The following FRMD6 variants were observed in gnomAD, a reference collection of about 807,000 sequenced individuals.
FRMD6 encodes the protein FERM domain-containing protein 6.
FRMD6 carries 37 observed loss-of-function variants against 73.2 expected under a neutral mutation model. The ratio of observed to expected loss-of-function variants is 0.51; its 90% CI spans 0.39 to 0.66. FRMD6 has a LOEUF of 0.66. FRMD6 is among the 30% of genes least tolerant of loss of function. The probability of loss-of-function intolerance (pLI) is 0.00; values close to 1 mark genes in which losing one functional copy is unlikely to be tolerated. For synonymous variants in FRMD6, 273 were observed against 282.2 expected (o/e 0.97, Z 0.33); for missense variants, 714 against 780.5 (o/e 0.91, Z 1.02).
At chr14:51,658,310 G>C (rs1295527152) in intron 1 of FRMD6, among the ~76,000 whole-genome samples, 1 of 150,982 alleles carries the variant, frequency 6.6e-6, no homozygotes, top group Non-Finnish European at 1.5e-5. Flanking sequence ...CTCTGTTGGG[G>C]CTTGCCTTTT....
chr14:51,619,059 G>A, intron 2 of FRMD6, among the ~76,000 whole-genome samples: 1 of 151,938 alleles, frequency 6.6e-6, no homozygotes, highest in East Asian at 1.9e-4. Flanking sequence ...CCTTAACTGT[G>A]ATTTTGGCAC....
At chr14:51,509,392 T>G (rs1884159159) in intron 1 of FRMD6, among the ~76,000 whole-genome samples, 1 of 151,990 alleles carries the variant, frequency 6.6e-6, no homozygotes, top group Admixed American at 6.5e-5. Context: ...CCAGGCGTAG[T>G]GGCAGATGCC....
At chr14:51,485,628 C>T (rs1029207337), upstream of FRMD6, among the ~76,000 whole-genome samples, 12 of 136,106 alleles carry the variant, frequency 8.8e-5, no homozygotes, top group Non-Finnish European at 1.9e-4. Context: ...TTTCTAATTT[C>T]TGCATTTGAA....
rs141107101 is a variant in FRMD6 at position 51,560,836 on chromosome 14, T to G, written c.-209-9512T>G. On this transcript the variant is annotated intron_variant, in intron 1 of 14. Coordinates refer to the FRMD6 transcript ENST00000356218. The stretch of plus-strand genomic sequence containing the variant: ...TCCTCTCAAAGGTGCCCTTCCTACA[T>G]CCTACCATGACCTGTTCACCCACAA... 4.3e-3 allele frequency among the ~76,000 whole-genome samples: 662 copies of G among 152,284 alleles called. 5 individuals carry two copies. Among genetic ancestry groups the G allele is most frequent in the African/African-American group, 0.015 (613 of 41,552 alleles).
At chr14:51,711,811 T>A (rs1052115799) in intron 8 of FRMD6, among the ~76,000 whole-genome samples, 4 of 152,040 alleles carry the variant, frequency 2.6e-5, no homozygotes, top group African/African-American at 9.7e-5. Flanking sequence ...CAATAAGTAA[T>A]AAGAAATAAC....
At chr14:51,581,612 G>A (rs1888727748) in intron 2 of FRMD6, among the ~76,000 whole-genome samples, 1 of 152,174 alleles carries the variant, frequency 6.6e-6, no homozygotes, top group Admixed American at 6.5e-5. Context: ...AAATCACTAA[G>A]TTTATATGTC....
At chr14:51,459,021 A>G in the FRMD6 span, among the ~76,000 whole-genome samples, 1 of 152,228 alleles carries the variant, frequency 6.6e-6, no homozygotes, top group Non-Finnish European at 1.5e-5. Flanking sequence ...CGTATCTGTC[A>G]GAAGCGTACG....
At chr14:51,634,980 A>G (rs1891494203) in intron 2 of FRMD6, among the ~76,000 whole-genome samples, 1 of 152,080 alleles carries the variant, frequency 6.6e-6, no homozygotes, top group African/African-American at 2.4e-5. Flanking sequence ...TCTTTTTTTC[A>G]AATGAGACAG....
the FRMD6 span, among the ~76,000 whole-genome samples, chr14:51,443,021 A>C: frequency 6.6e-6 from 1 of 152,240 alleles, no homozygotes; most frequent in Non-Finnish European, 1.5e-5. Flanking sequence ...TGGCTTCCCC[A>C]TACTTGAGGT....
the FRMD6 span, among the ~76,000 whole-genome samples, chr14:51,403,043 G>A: frequency 2.6e-5 from 4 of 152,136 alleles, no homozygotes; most frequent in East Asian, 1.9e-4. Context: ...AAATGCTTAC[G>A]AAGGCTTGAA....
intron 2 of FRMD6, among the ~76,000 whole-genome samples, chr14:51,606,569 T>G (rs113980427): frequency 0.041 from 6,314 of 152,290 alleles, 165 homozygotes; most frequent in Middle Eastern, 0.12. Flanking sequence ...ATGAATTATT[T>G]CTATCCCAAT....
intron 1 of FRMD6, among the ~76,000 whole-genome samples, chr14:51,567,618 A>T (rs555312193): frequency 2.0e-5 from 3 of 152,324 alleles, no homozygotes; most frequent in African/African-American, 7.2e-5. Flanking sequence ...AGGATTACAG[A>T]TATGAGCCAC....
In FRMD6 at chr14:51,652,008, A is replaced by C. The variant is rs955224651; in HGVS notation, c.-147+12A>C. ...AGACTTTCTCCGAGGTATGAACAAGAACCAGGCGTCTGGGCCCTTTCCGCT... is the reference window on the plus strand; with the variant it reads ...AGACTTTCTCCGAGGTATGAACAAGCACCAGGCGTCTGGGCCCTTTCCGCT... On this transcript the variant is annotated intron_variant, in intron 1 of 13. Transcript: ENST00000344768. 6.6e-6 allele frequency: 1 copy of C among 151,832 alleles called. No individual in the cohort carries two copies. The highest frequency in any genetic ancestry group is 1.5e-5 in the Non-Finnish European group (1 of 67,960). 9.4% of individuals were successfully genotyped at this position (151,832 alleles called of 1,614,324 possible).
chr14:51,453,783 C>G, the FRMD6 span, among the ~76,000 whole-genome samples: 1 of 152,130 alleles, frequency 6.6e-6, no homozygotes, highest in Non-Finnish European at 1.5e-5. Context: ...AAAAGTATTG[C>G]TTTTAGACAC....
chr14:51,488,129 C>T (rs150263179), upstream of FRMD6, among the ~76,000 whole-genome samples: 1 of 152,162 alleles, frequency 6.6e-6, no homozygotes, highest in Non-Finnish European at 1.5e-5. Flanking sequence ...TGATTAGAAA[C>T]CACAGCAGAA....
At position 51,727,638 on chromosome 14, in the gene FRMD6, C is replaced by A. The variant is rs1229398863; in HGVS notation, c.1585-107C>A. ...CCACAGATTGGAAACCACTTTCTAA[C>A]ATGTAAGGATTACTTAACCTTTTGT... On this transcript the variant is annotated intron_variant, in intron 13 of 13. Transcript: ENST00000344768. 5 of 1,096,444 alleles carry A rather than the reference C, an allele frequency of 4.6e-6. No individual in the cohort carries two copies. In the African/African-American group the frequency reaches 7.9e-5, roughly 17 times the overall value. 67.9% of individuals were successfully genotyped at this position (1,096,444 alleles called of 1,614,324 possible).
chr14:51,559,854 T>C (rs1379696741), intron 1 of FRMD6, among the ~76,000 whole-genome samples: 2 of 152,224 alleles, frequency 1.3e-5, no homozygotes, highest in Non-Finnish European at 2.9e-5. Flanking sequence ...ACACTTTTTC[T>C]GGAAGTTTTT....
intron 2 of FRMD6, among the ~76,000 whole-genome samples, chr14:51,695,573 C>T (rs151275334): frequency 6.6e-6 from 1 of 152,256 alleles, no homozygotes; most frequent in Non-Finnish European, 1.5e-5. Flanking sequence ...CTCAGTAATT[C>T]AGGGAGTGGT....
chr14:51,484,327 T>G (rs904842377), upstream of FRMD6, among the ~76,000 whole-genome samples: 2 of 152,220 alleles, frequency 1.3e-5, no homozygotes, highest in African/African-American at 4.8e-5. Context: ...CTGCTGATAC[T>G]GTTAACTCCA....
Sources: allele counts gnomAD v4.1 joint callset (sites outside exome capture counted in the v4.1 genomes callset), GRCh38; gene constraint gnomAD v4.1.1; transcripts MANE v1.5; gene names NCBI Gene and HGNC (gene_info 2026-07-23, HGNC 2026-07-21).